Variants in ANKRD13C observed in about 807,000 individuals in gnomAD.
ANKRD13C encodes ankyrin repeat domain-containing protein 13C.
ANKRD13C carries 16 observed loss-of-function variants against 65.5 expected under a neutral mutation model. That is an observed-to-expected ratio of 0.24 (90% CI 0.17 to 0.37). ANKRD13C has a LOEUF of 0.37. Ranked by LOEUF, ANKRD13C falls within the 10% of genes least tolerant of loss-of-function variation. The pLI is 1.00. For missense variants in ANKRD13C, 503 were observed against 655.9 expected (o/e 0.77, Z 2.55); for synonymous variants, 235 against 238.7 (o/e 0.98, Z 0.14).
At position 70,324,964 on chromosome 1, in the gene ANKRD13C, T is replaced by C. The variant is rs775444111; in HGVS notation, c.473-7A>G. On this transcript the variant is annotated splice_region_variant and splice_polypyrimidine_tract_variant and intron_variant, in intron 2 of 12. Coordinates refer to ENST00000370944, the MANE Select transcript of ANKRD13C (RefSeq NM_030816.5). Reference sequence around the variant, plus strand: ...AAAAGTAAATGGGCACATTCTGCAATATAAAGTAGTAATAATATCAAACAT... The same window carrying C: ...AAAAGTAAATGGGCACATTCTGCAACATAAAGTAGTAATAATATCAAACAT... 5.6e-6 allele frequency: 9 copies of C among 1,593,912 alleles called. No homozygotes were observed. The highest frequency in any genetic ancestry group is 1.7e-5 in the Admixed American group (1 of 59,194).
chr1:70,353,916 C>G (rs530600037), intron 1 of ANKRD13C, 63 bp downstream of exon 1: 12 of 1,447,114 alleles, frequency 8.3e-6, no homozygotes, highest in Non-Finnish European at 9.1e-7. Flanking sequence ...ATTCCAGAAG[C>G]CTGGGGAGGC....
intron 3 of ANKRD13C, among the ~76,000 whole-genome samples, chr1:70,317,075 C>A (rs191816568): frequency 6.6e-5 from 10 of 150,862 alleles, no homozygotes; most frequent in Admixed American, 4.0e-4. Context: ...TTTTTTTTGT[C>A]CACATAGGTC....
At chr1:70,326,987 T>C (rs189432961) in intron 2 of ANKRD13C, among the ~76,000 whole-genome samples, 6 of 139,154 alleles carry the variant, frequency 4.3e-5, no homozygotes, top group Admixed American at 2.9e-4. Context: ...ATGATAAAAT[T>C]AGAAAATTTA....
chr1:70,282,749 T>A (rs964071124), intron 9 of ANKRD13C, among the ~76,000 whole-genome samples: 1 of 152,210 alleles, frequency 6.6e-6, no homozygotes, highest in African/African-American at 2.4e-5. Context: ...ATGCGTTTAA[T>A]AGAACCTTTA....
intron 1 of ANKRD13C, among the ~76,000 whole-genome samples, chr1:70,344,523 T>C (rs1415206393): frequency 6.6e-6 from 1 of 152,120 alleles, no homozygotes; most frequent in African/African-American, 2.4e-5. Flanking sequence ...AATGGGTATC[T>C]ATTAAATGTG....
chr1:70,287,966 C>A (rs1558273605), intron 9 of ANKRD13C, among the ~76,000 whole-genome samples: 1 of 152,196 alleles, frequency 6.6e-6, no homozygotes, highest in Non-Finnish European at 1.5e-5. Flanking sequence ...CTGCAGTGAA[C>A]CAAGATCGTG....
chr1:70,313,960 T>C (rs555186601), intron 4 of ANKRD13C, among the ~76,000 whole-genome samples, 170 bp from the exon 5 acceptor site: 3 of 152,084 alleles, frequency 2.0e-5, no homozygotes, highest in Admixed American at 2.0e-4. Flanking sequence ...TAGTAACATA[T>C]CTGAAACTGA....
intron 10 of ANKRD13C, among the ~76,000 whole-genome samples, chr1:70,275,171 ACTGT>A (rs1679074941): frequency 1.3e-5 from 2 of 152,328 alleles, no homozygotes; most frequent in East Asian, 1.9e-4. Flanking sequence ...AATCTTCTTT[ACTGT>A]CTATTACAGC....
At chr1:70,294,298 G>A (rs1235982709) in intron 8 of ANKRD13C, among the ~76,000 whole-genome samples, 2 of 152,200 alleles carry the variant, frequency 1.3e-5, no homozygotes, top group Non-Finnish European at 2.9e-5. Context: ...AAGGGGATGT[G>A]GGACTGTGGG....
chr1:70,338,735 A>AGATTAGGAGCCGTCTGTG (rs1553251803), intron 1 of ANKRD13C, among the ~76,000 whole-genome samples: 2 of 152,322 alleles, frequency 1.3e-5, no homozygotes, highest in Middle Eastern at 3.4e-3. Context: ...ATACACTGAT[A>AGATTAGGAGCCGTCTGTG]GATTAGGAGC....
At chr1:70,335,712 T>TA (rs1681994559) in intron 2 of ANKRD13C, among the ~76,000 whole-genome samples, 1 of 149,562 alleles carries the variant, frequency 6.7e-6, no homozygotes, top group South Asian at 2.1e-4. Flanking sequence ...TATTATATAT[T>TA]AAAAATCATA....
chr1:70,280,987 A>G (rs1354318830), intron 9 of ANKRD13C, among the ~76,000 whole-genome samples: 1 of 152,116 alleles, frequency 6.6e-6, no homozygotes, highest in Non-Finnish European at 1.5e-5. Flanking sequence ...AGGAAAGCTA[A>G]GAAGTCTAAG....
At chr1:70,310,523 G>C in intron 5 of ANKRD13C, among the ~76,000 whole-genome samples, 1 of 151,896 alleles carries the variant, frequency 6.6e-6, no homozygotes, top group East Asian at 1.9e-4. Context: ...GAAATACTTT[G>C]GACAACTGTC....
At chr1:70,339,180 A>T (rs2101602979) in intron 1 of ANKRD13C, among the ~76,000 whole-genome samples, 1 of 151,148 alleles carries the variant, frequency 6.6e-6, no homozygotes. Context: ...ATTGCACTCC[A>T]GCCTAGGAAA....
At chr1:70,305,005 C>G (rs1437648173) in intron 6 of ANKRD13C, among the ~76,000 whole-genome samples, 1 of 151,960 alleles carries the variant, frequency 6.6e-6, no homozygotes, top group Non-Finnish European at 1.5e-5. Context: ...ACACTGTAAT[C>G]CCAGCACTTT....
At position 70,300,877 on chromosome 1, in the gene ANKRD13C, T is replaced by C. The variant is rs1680322009; in HGVS notation, c.808A>G (p.Met270Val). Residue 270 changes from methionine (M) to valine (V), a missense_variant, in exon 7 of 13, where the codon ATG becomes GTG. This residue lies in a region of ANKRD13C where 300 missense variants were observed against 478.3 expected (regional missense o/e 0.63). Transcript: ENST00000370944. ...LDTTLIDFTD[M>V]KCQRGDLSFI... ...CTTAGATCCCCTCGTTGGCACTTCA[T>C]GTCAGTAAAGTCTATGAGAGTTGTG... 1.2e-6 allele frequency: 2 copies of C among 1,613,652 alleles called. No homozygotes were observed. Among genetic ancestry groups the C allele is most frequent in the Non-Finnish European group, 1.7e-6 (2 of 1,179,952 alleles).
At chr1:70,271,066 C>T (rs1678856922) in intron 11 of ANKRD13C, 110 bp from the exon 12 acceptor site, 3 of 634,496 alleles carry the variant, frequency 4.7e-6, no homozygotes, top group African/African-American at 3.7e-5. Flanking sequence ...CTTCCAGATA[C>T]TAAGGATGAG....
intron 1 of ANKRD13C, among the ~76,000 whole-genome samples, chr1:70,351,463 G>A (rs568291820): frequency 7.4e-4 from 112 of 152,146 alleles, no homozygotes; most frequent in African/African-American, 2.6e-3. Context: ...GCAACGGTGC[G>A]ATCTTGGCTC....
chr1:70,331,820 C>CAAAAAAAA (rs10526340), intron 2 of ANKRD13C, among the ~76,000 whole-genome samples: 6 of 70,012 alleles, frequency 8.6e-5, no homozygotes, highest in Admixed American at 2.0e-4. Flanking sequence ...AGACTCGACT[C>CAAAAAAAA]AAAAAAAAAA....
Sources: allele counts gnomAD v4.1 joint callset (sites outside exome capture counted in the v4.1 genomes callset), GRCh38; gene constraint gnomAD v4.1.1; regional missense constraint gnomAD v4.1.1; transcripts MANE v1.5; gene names NCBI Gene and HGNC (gene_info 2026-07-23, HGNC 2026-07-21).